CLSTN2: variants seen among roughly 807,000 people sequenced by gnomAD.
CLSTN2 encodes calsyntenin 2, also known as calsyntenin-2.
CLSTN2 carries 48 observed loss-of-function variants against 101.2 expected under a neutral mutation model. That is an observed-to-expected ratio of 0.47 (90% CI 0.38 to 0.60). CLSTN2 has a LOEUF of 0.60. CLSTN2 is among the 20% of genes least tolerant of loss of function. The pLI is 0.00. For synonymous variants in CLSTN2, 481 were observed against 463.6 expected (o/e 1.04, Z -0.48); for missense variants, 1,160 against 1,238.2 (o/e 0.94, Z 0.95).
chr3:140,187,924 C>T (rs1048884462), intron 2 of CLSTN2, among the ~76,000 whole-genome samples: 1 of 152,132 alleles, frequency 6.6e-6, no homozygotes, highest in African/African-American at 2.4e-5. Context: ...TCACTTCCAC[C>T]CCACCCAGGA....
chr3:139,960,121 G>T (rs1422514942), intron 1 of CLSTN2, among the ~76,000 whole-genome samples: 1 of 152,174 alleles, frequency 6.6e-6, no homozygotes, highest in African/African-American at 2.4e-5. Flanking sequence ...AGAGGGAAGG[G>T]AAAGCCCTCT....
chr3:140,040,269 G>A (rs994436335), intron 1 of CLSTN2, among the ~76,000 whole-genome samples: 33 of 152,162 alleles, frequency 2.2e-4, no homozygotes, highest in Non-Finnish European at 3.2e-4. Context: ...TGCGCTATCC[G>A]TGTGCTCTCT....
At chr3:140,495,723 C>G (rs184167395) in intron 8 of CLSTN2, among the ~76,000 whole-genome samples, 1 of 152,274 alleles carries the variant, frequency 6.6e-6, no homozygotes, top group East Asian at 1.9e-4. Flanking sequence ...AATAGGGAAT[C>G]CTTTCCCCAT....
rs917697321 is a variant in CLSTN2, at chr3:140,475,028, C to G, written c.1344+8297C>G. On this transcript the variant is annotated intron_variant, in intron 8 of 16. Coordinates refer to ENST00000458420, the MANE Select transcript of CLSTN2 (RefSeq NM_022131.3). ...TCCTCCTTCCTTAACTCATTCTCCT[C>G]ACTTAATCTGTCCTCCTAACCTAGA... Among the ~76,000 whole-genome samples the G allele has an allele frequency of 1.6e-4, 21 of 129,730 alleles. 1 individual carries two copies. Among genetic ancestry groups the G allele is most frequent in the Non-Finnish European group, 3.9e-4 (21 of 53,976 alleles). The allele number at this position is 129,730 out of a possible 152,430, so 85.1% of individuals were successfully genotyped here. A position where few individuals can be genotyped will look rare whatever the true frequency, so the allele number is the denominator to read the frequency against.
chr3:140,097,266 G>A (rs1434027466), intron 1 of CLSTN2, among the ~76,000 whole-genome samples: 2 of 152,158 alleles, frequency 1.3e-5, no homozygotes, highest in East Asian at 1.9e-4. Context: ...CAGAATGGAA[G>A]TACTGGGACT....
chr3:139,976,115 C>T (rs1279339078), intron 1 of CLSTN2, among the ~76,000 whole-genome samples: 2 of 152,218 alleles, frequency 1.3e-5, no homozygotes, highest in Non-Finnish European at 2.9e-5. Context: ...ATCTGTCCAA[C>T]ACTCTGTCAC....
chr3:140,122,429 T>C (rs1458243195), intron 1 of CLSTN2, among the ~76,000 whole-genome samples: 1 of 152,222 alleles, frequency 6.6e-6, no homozygotes, highest in East Asian at 1.9e-4. Context: ...TAACCACTAA[T>C]GGAATCACGT....
At position 140,303,538 on chromosome 3, in the gene CLSTN2, T is replaced by C. The variant is rs117422784; in HGVS notation, c.233-100091T>C. Among the ~76,000 whole-genome samples, 360 of 152,210 alleles carry C rather than the reference T, an allele frequency of 2.4e-3. 6 individuals are homozygous for C. In the East Asian group the frequency reaches 0.062, roughly 26 times the overall value. ...TTTTCCAAGCATAATTACAATAACG[T>C]CCTTCAAACACAGAGGTCTCTACAG... On this transcript the variant is annotated intron_variant, in intron 2 of 16. Coordinates refer to ENST00000458420, the MANE Select transcript of CLSTN2 (RefSeq NM_022131.3).
intron 8 of CLSTN2, chr3:140,507,395 A>G (rs934620197): frequency 6.6e-6 from 1 of 152,214 alleles, no homozygotes; most frequent in Non-Finnish European, 1.5e-5. Flanking sequence ...CACAGCCTCA[A>G]CATGGAACTG....
In CLSTN2 at chr3:140,568,351, G is replaced by A. The variant is rs1284332777; in HGVS notation, c.*2098G>A. ...GGAAGAGAAGTCACAAGAGAAGAAG[G>A]ATGCGGTCACAAACTTAACCAGTGC... On this transcript the variant is annotated 3_prime_UTR_variant, in exon 17 of 17. Transcript: ENST00000458420. The A allele has an allele frequency of 2.6e-5, 4 of 152,198 alleles. No individual in the cohort carries two copies. Among genetic ancestry groups the A allele is most frequent in the African/African-American group, 4.8e-5 (2 of 41,464 alleles). 9.4% of individuals were successfully genotyped at this position (152,198 alleles called of 1,614,324 possible).
chr3:140,086,880 C>T (rs1341640436), intron 1 of CLSTN2, among the ~76,000 whole-genome samples: 1 of 152,210 alleles, frequency 6.6e-6, no homozygotes, highest in African/African-American at 2.4e-5. Context: ...ACATACAGTT[C>T]TAAGAGCTTC....
intron 2 of CLSTN2, among the ~76,000 whole-genome samples, chr3:140,402,482 A>G (rs564744968): frequency 6.6e-6 from 1 of 152,344 alleles, no homozygotes; most frequent in Admixed American, 6.5e-5. Flanking sequence ...TTCTCTGGGT[A>G]TGGGTACAAA....
intron 2 of CLSTN2, among the ~76,000 whole-genome samples, chr3:140,313,040 C>A (rs2087186824): frequency 6.6e-6 from 1 of 152,158 alleles, no homozygotes; most frequent in African/African-American, 2.4e-5. Context: ...AAAGTTTAGG[C>A]AATTATATTC....
At chr3:139,972,290 T>TG (rs960716640) in intron 1 of CLSTN2, among the ~76,000 whole-genome samples, 1 of 151,494 alleles carries the variant, frequency 6.6e-6, no homozygotes, top group Non-Finnish European at 1.5e-5. Context: ...GATAGGACCC[T>TG]GGGGGGTGTG....
intron 6 of CLSTN2, among the ~76,000 whole-genome samples, chr3:140,455,628 C>T (rs1449298735): frequency 1.3e-5 from 2 of 152,128 alleles, no homozygotes; most frequent in African/African-American, 4.8e-5. Context: ...CTGCCTGGGG[C>T]CCCAGGGACC....
chr3:140,402,761 T>C (rs909193677), intron 2 of CLSTN2, among the ~76,000 whole-genome samples: 1 of 152,186 alleles, frequency 6.6e-6, no homozygotes, highest in Admixed American at 6.5e-5. Flanking sequence ...TCTGGGACCA[T>C]CTTACGGATG....
At chr3:140,414,924 A>G (rs552070099) in intron 4 of CLSTN2, among the ~76,000 whole-genome samples, 258 of 152,120 alleles carry the variant, frequency 1.7e-3, no homozygotes, top group African/African-American at 6.0e-3. Context: ...CTGATTTCAA[A>G]CTATAAAACT....
intron 8 of CLSTN2, among the ~76,000 whole-genome samples, chr3:140,505,254 C>T (rs974228284): frequency 1.3e-5 from 2 of 152,108 alleles, no homozygotes; most frequent in African/African-American, 2.4e-5. Flanking sequence ...CATGGCATGA[C>T]CCCACTGATG....
chr3:140,283,836 C>G (rs2086871096), intron 2 of CLSTN2, among the ~76,000 whole-genome samples: 1 of 152,106 alleles, frequency 6.6e-6, no homozygotes, highest in African/African-American at 2.4e-5. Context: ...ATTGCTTCTC[C>G]CCTTTAAAGC....
Sources: allele counts gnomAD v4.1 joint callset (sites outside exome capture counted in the v4.1 genomes callset), GRCh38; gene constraint gnomAD v4.1.1; transcripts MANE v1.5; gene names NCBI Gene and HGNC (gene_info 2026-07-23, HGNC 2026-07-21).